PRKN: variants seen among roughly 807,000 people sequenced by gnomAD.
PRKN encodes E3 ubiquitin-protein ligase parkin.
PRKN carries 56 observed loss-of-function variants against 59.5 expected under a neutral mutation model. The ratio of observed to expected loss-of-function variants is 0.94; its 90% CI spans 0.76 to 1.18. PRKN has a LOEUF of 1.18. Ranked by LOEUF, PRKN falls within the 50% of genes most tolerant of loss-of-function variation. The pLI, the probability that PRKN is intolerant of heterozygous loss-of-function variation, is 0.00. For missense variants in PRKN, 657 were observed against 596.4 expected (o/e 1.10, Z -1.06); for synonymous variants, 250 against 222.1 (o/e 1.13, Z -1.12).
At chr6:162,338,443 G>A (rs1229442513) in intron 2 of PRKN, among the ~76,000 whole-genome samples, 1 of 152,154 alleles carries the variant, frequency 6.6e-6, no homozygotes, top group East Asian at 1.9e-4. Context: ...TGGTGGAGAC[G>A]GGGTTTTGCT....
chr6:161,752,446 C>A (rs1179578005), intron 7 of PRKN, among the ~76,000 whole-genome samples: 1 of 152,204 alleles, frequency 6.6e-6, no homozygotes, highest in Non-Finnish European at 1.5e-5. Context: ...GTAATCCCAG[C>A]ACTTTGGGAG....
At chr6:162,519,852 TCTAAAAA>T (rs1778015940) in intron 1 of PRKN, among the ~76,000 whole-genome samples, 1 of 152,180 alleles carries the variant, frequency 6.6e-6, no homozygotes, top group Non-Finnish European at 1.5e-5. Flanking sequence ...ATGAAGGAAA[TCTAAAAA>T]CTATTCATGA....
rs766949960 is a variant in PRKN at position 161,352,755 on chromosome 6, G to GTGTATATATA, written c.1286-2545_1286-2544insTATATATACA. Among the ~76,000 whole-genome samples, 65 of 134,366 alleles carry GTGTATATATA rather than the reference G, an allele frequency of 4.8e-4. 1 individual carries two copies. Among genetic ancestry groups the GTGTATATATA allele is most frequent in the African/African-American group, 1.7e-3 (61 of 35,776 alleles). The allele number at this position is 134,366 out of a possible 152,430, so 88.1% of individuals were successfully genotyped here. ...TGTGTGTGTGTGTGTGTGTGTGTGT[G>GTGTATATATA]TATATATATATATATATTTTATTTT... On this transcript the variant is annotated intron_variant, in intron 11 of 11. Transcript: ENST00000366898. The surrounding 1 kb of genome is among the most constrained non-coding windows in gnomAD (Gnocchi z 5.8).
intron 2 of PRKN, among the ~76,000 whole-genome samples, chr6:162,433,986 T>C (rs1312096935): frequency 1.3e-5 from 2 of 152,168 alleles, no homozygotes; most frequent in African/African-American, 4.8e-5. Context: ...TTAGTCTACA[T>C]ATTAAATCTT....
intron 7 of PRKN, among the ~76,000 whole-genome samples, chr6:161,777,930 C>T (rs115809512): frequency 9.7e-5 from 14 of 144,226 alleles, no homozygotes; most frequent in Non-Finnish European, 1.6e-4. Flanking sequence ...GTATGTATAT[C>T]TAGTTAACAG....
chr6:161,462,817 A>G lies in PRKN; in HGVS notation c.1084-75940T>C, dbSNP rs763689255. On this transcript the variant is annotated intron_variant, in intron 9 of 11. Transcript: ENST00000366898. This position sits in a 1 kb window ranked among gnomAD's most constrained non-coding sequence, Gnocchi z 4.5. ...TCATCCCAAAATTGGCATACTTTAA[A>G]TAATCCATGATTTTTTTGTTCTAAA... 1.1e-4 allele frequency among the ~76,000 whole-genome samples: 16 copies of G among 152,210 alleles called. No individual in the cohort carries two copies. The highest frequency in any genetic ancestry group is 2.2e-4 in the Non-Finnish European group (15 of 68,044).
chr6:162,362,063 T>C (rs1785168311), intron 2 of PRKN, among the ~76,000 whole-genome samples: 2 of 152,176 alleles, frequency 1.3e-5, no homozygotes, highest in South Asian at 4.1e-4. Flanking sequence ...TGTTTAAAAG[T>C]AAAAGATCCC....
intron 5 of PRKN, among the ~76,000 whole-genome samples, chr6:162,025,601 T>TTTTG (rs1783403190): frequency 7.2e-6 from 1 of 138,214 alleles, no homozygotes; most frequent in Non-Finnish European, 1.5e-5. Flanking sequence ...TTTTTTTTTT[T>TTTTG]TTTTTTTGAG....
intron 6 of PRKN, among the ~76,000 whole-genome samples, chr6:161,967,981 C>A (rs185885965): frequency 1.8e-4 from 27 of 152,088 alleles, no homozygotes; most frequent in Admixed American, 7.2e-4. Flanking sequence ...TTATTCTGTA[C>A]CTGGGAAGAT....
intron 1 of PRKN, among the ~76,000 whole-genome samples, chr6:162,641,352 A>AT (rs1046261600): frequency 9.9e-5 from 15 of 151,020 alleles, no homozygotes; most frequent in South Asian, 6.3e-4. Flanking sequence ...TTACACTGAA[A>AT]TTTTTTTTTT....
intron 6 of PRKN, among the ~76,000 whole-genome samples, chr6:161,854,066 T>G (rs1422474026): frequency 7.2e-6 from 1 of 138,326 alleles, no homozygotes; most frequent in Non-Finnish European, 1.5e-5. Context: ...GCCATCATGG[T>G]GAAACCCTGT....
intron 5 of PRKN, among the ~76,000 whole-genome samples, chr6:162,025,162 C>A (rs1160558937): frequency 6.6e-6 from 1 of 151,684 alleles, no homozygotes; most frequent in African/African-American, 2.4e-5. Context: ...ACTACAGGCA[C>A]CTGCCACCAC....
intron 4 of PRKN, among the ~76,000 whole-genome samples, chr6:162,160,125 A>G (rs947234061): frequency 2.0e-5 from 3 of 152,216 alleles, no homozygotes; most frequent in Admixed American, 2.0e-4. Flanking sequence ...GCACAGACTA[A>G]GAGAACATAT....
chr6:161,476,002 C>A (rs565910361), intron 9 of PRKN, among the ~76,000 whole-genome samples: 2 of 151,866 alleles, frequency 1.3e-5, no homozygotes, highest in African/African-American at 2.4e-5. Context: ...CTGGTTAACA[C>A]GGTGAAAGCC....
intron 4 of PRKN, among the ~76,000 whole-genome samples, chr6:162,135,712 A>C (rs1350835035): frequency 6.6e-6 from 1 of 152,068 alleles, no homozygotes; most frequent in African/African-American, 2.4e-5. Context: ...TGGGCTGGTC[A>C]GAGAAGGTAG....
intron 1 of PRKN, among the ~76,000 whole-genome samples, chr6:162,720,997 G>T (rs1778921411): frequency 6.6e-6 from 1 of 152,250 alleles, no homozygotes; most frequent in African/African-American, 2.4e-5. Flanking sequence ...GTCAATAAGA[G>T]ACATTAATCT....
chr6:162,524,677 T>C (rs1475455148), intron 1 of PRKN, among the ~76,000 whole-genome samples: 2 of 152,216 alleles, frequency 1.3e-5, no homozygotes, highest in Non-Finnish European at 2.9e-5. Context: ...ACTATGGAAC[T>C]GCAGTGACTT....
intron 7 of PRKN, among the ~76,000 whole-genome samples, chr6:161,583,033 G>A (rs1418612695): frequency 1.4e-5 from 2 of 146,480 alleles, no homozygotes; most frequent in Non-Finnish European, 3.0e-5. Context: ...TACACATTTT[G>A]TAAGATCTTG....
chr6:162,416,904 G>A (rs1396979877), intron 2 of PRKN, among the ~76,000 whole-genome samples: 1 of 152,010 alleles, frequency 6.6e-6, no homozygotes, highest in Non-Finnish European at 1.5e-5. Context: ...ATTTAAAAAT[G>A]GATAAGAATG....
Sources: gnomAD v4.1 joint callset for allele counts (sites outside exome capture counted in the v4.1 genomes callset) on GRCh38, gnomAD v4.1.1 for gene constraint, Gnocchi (gnomAD v3.1) non-coding constraint, MANE v1.5 for transcripts, NCBI Gene and HGNC (gene_info 2026-07-23, HGNC 2026-07-21) for gene names.